The following CA10 variants were observed in gnomAD, a reference collection of about 807,000 sequenced individuals.
CA10 encodes carbonic anhydrase-related protein 10.
CA10 carries 14 observed loss-of-function variants against 44.2 expected under a neutral mutation model. The observed-to-expected ratio is 0.32, with a 90% CI of 0.21 to 0.50. The LOEUF (loss-of-function observed/expected upper bound fraction) is 0.50, where lower values mean the gene tolerates loss of function less well. CA10 is among the 20% of genes least tolerant of loss of function. CA10 has a pLI of 0.99. For synonymous variants in CA10, 159 were observed against 141.6 expected (o/e 1.12, Z -0.87); for missense variants, 350 against 409.7 (o/e 0.85, Z 1.26).
rs539794303 is a variant in CA10, at chr17:51,736,388, GGATGACCATTTGA to G, written c.465+11232_465+11244del. Among the ~76,000 whole-genome samples the G allele has an allele frequency of 2.1e-3, 327 of 152,262 alleles. 2 individuals carry two copies. The highest frequency in any genetic ancestry group is 3.4e-3 in the Non-Finnish European group (229 of 68,020). On this transcript the variant is annotated intron_variant, in intron 4 of 8. Coordinates refer to ENST00000451037, the MANE Select transcript of CA10 (RefSeq NM_020178.5). ...CTTTACAGAAACAGCAGCTGTTCCG[GGATGACCATTTGA>G]GTCCACACACAATTAGTCTTTCCCA...
chr17:51,845,646 G>A (rs1598077776), intron 3 of CA10, among the ~76,000 whole-genome samples: 1 of 152,156 alleles, frequency 6.6e-6, no homozygotes, highest in East Asian at 1.9e-4. Context: ...AATGCACTCA[G>A]CATTGAACAG....
intron 3 of CA10, among the ~76,000 whole-genome samples, chr17:51,798,323 A>G (rs1309976952): frequency 2.0e-5 from 3 of 152,228 alleles, no homozygotes; most frequent in African/African-American, 7.2e-5. Context: ...GCCTCTGAAA[A>G]TGTATGAATA....
At chr17:51,653,814 A>G (rs1597964841) in intron 4 of CA10, 78 bp from the exon 5 acceptor site, 1 of 803,050 alleles carries the variant, frequency 1.2e-6, no homozygotes, top group East Asian at 2.5e-5. Flanking sequence ...GCCCCTACAT[A>G]AGGGTGAACT....
chr17:51,652,654 G>A (rs1198620783), intron 5 of CA10, among the ~76,000 whole-genome samples: 1 of 152,240 alleles, frequency 6.6e-6, no homozygotes, highest in Non-Finnish European at 1.5e-5. Context: ...AGTGCCTATG[G>A]CACGGGGTAA....
At chr17:51,821,963 A>G (rs1043853756) in intron 3 of CA10, among the ~76,000 whole-genome samples, 4 of 152,160 alleles carry the variant, frequency 2.6e-5, no homozygotes, top group African/African-American at 9.7e-5. Context: ...AGCCCAGCCC[A>G]CACACATCAG....
intron 1 of CA10, among the ~76,000 whole-genome samples, chr17:52,079,241 G>T (rs1987900440): frequency 2.0e-5 from 3 of 151,912 alleles, no homozygotes; most frequent in Non-Finnish European, 2.9e-5. Flanking sequence ...AGCCGAGATT[G>T]CACCACTGCA....
At chr17:51,815,106 C>A (rs1907514535) in intron 3 of CA10, among the ~76,000 whole-genome samples, 2 of 152,008 alleles carry the variant, frequency 1.3e-5, no homozygotes, top group South Asian at 2.1e-4. Flanking sequence ...AGCAGCTCCA[C>A]CCCCGCCTCC....
At chr17:51,748,275 T>A (rs1904776755) in intron 3 of CA10, among the ~76,000 whole-genome samples, 1 of 152,114 alleles carries the variant, frequency 6.6e-6, no homozygotes, top group Non-Finnish European at 1.5e-5. Flanking sequence ...TCATGGGAGA[T>A]GGAAAGCCTA....
intron 3 of CA10, among the ~76,000 whole-genome samples, chr17:51,777,972 G>A (rs2143670306): frequency 6.6e-6 from 1 of 152,254 alleles, no homozygotes; most frequent in Non-Finnish European, 1.5e-5. Flanking sequence ...AAATAATGTG[G>A]TTATTGATGG....
chr17:51,837,655 C>A (rs2094436962), intron 3 of CA10, among the ~76,000 whole-genome samples: 1 of 152,084 alleles, frequency 6.6e-6, no homozygotes, highest in Non-Finnish European at 1.5e-5. Context: ...TCAGAGAGTG[C>A]CTTTTGTTTG....
chr17:51,753,056 G>A (rs530192062), intron 3 of CA10, among the ~76,000 whole-genome samples: 65 of 152,306 alleles, frequency 4.3e-4, no homozygotes, highest in Non-Finnish European at 7.5e-4. Flanking sequence ...GGAAAAGAGA[G>A]GACTATAATT....
chr17:51,820,456 T>C (rs1211198466), intron 3 of CA10, among the ~76,000 whole-genome samples: 1 of 133,132 alleles, frequency 7.5e-6, no homozygotes, highest in Non-Finnish European at 1.5e-5. Context: ...AGCTCCTAGT[T>C]TGAACCTGTT....
At chr17:51,689,181 T>A (rs957923494) in intron 4 of CA10, among the ~76,000 whole-genome samples, 4 of 152,156 alleles carry the variant, frequency 2.6e-5, no homozygotes, top group African/African-American at 9.7e-5. Flanking sequence ...TTTTGGAATA[T>A]GGGAAGCTTG....
At chr17:52,002,621 C>A (rs1465275679) in intron 2 of CA10, among the ~76,000 whole-genome samples, 1 of 151,910 alleles carries the variant, frequency 6.6e-6, no homozygotes, top group Non-Finnish European at 1.5e-5. Context: ...GGATTATTTT[C>A]AATGAATAAT....
In CA10 at chr17:51,775,913, G is replaced by A. The variant is rs1313396392; in HGVS notation, c.280-28095C>T. On this transcript the variant is annotated intron_variant, in intron 3 of 8. Coordinates refer to ENST00000451037, the MANE Select transcript of CA10 (RefSeq NM_020178.5). ...TGGCTGAAACAGAGAAACAGAAGGG[G>A]AATGGGACATATGGCAAGATGCAGC... 2.6e-5 allele frequency among the ~76,000 whole-genome samples: 4 copies of A among 152,260 alleles called. No homozygotes were observed. The East Asian group carries it at 7.7e-4, about 29-fold the overall frequency.
chr17:51,761,884 C>T (rs372869915), intron 3 of CA10: 3 of 152,294 alleles, frequency 2.0e-5, no homozygotes, highest in East Asian at 3.9e-4. Flanking sequence ...CTATTTACAA[C>T]TGAAGCCCTT....
At chr17:51,715,136 T>G (rs1209339518) in intron 4 of CA10, among the ~76,000 whole-genome samples, 1 of 151,998 alleles carries the variant, frequency 6.6e-6, no homozygotes, top group Non-Finnish European at 1.5e-5. Flanking sequence ...AAACACCTCA[T>G]GTTCTCACTC....
At chr17:51,969,786 T>C (rs1984214216) in intron 2 of CA10, among the ~76,000 whole-genome samples, 1 of 151,484 alleles carries the variant, frequency 6.6e-6, no homozygotes, top group Non-Finnish European at 1.5e-5. Flanking sequence ...ATCTTATGAG[T>C]AGGAAATAAG....
intron 3 of CA10, among the ~76,000 whole-genome samples, chr17:51,903,720 A>G (rs1234187017): frequency 6.6e-6 from 1 of 152,196 alleles, no homozygotes; most frequent in African/African-American, 2.4e-5. Context: ...TTAATTAGCC[A>G]ACACTTGTAC....
Sources: allele counts gnomAD v4.1 joint callset (sites outside exome capture counted in the v4.1 genomes callset), GRCh38; gene constraint gnomAD v4.1.1; transcripts MANE v1.5; gene names NCBI Gene and HGNC (gene_info 2026-07-23, HGNC 2026-07-21).